Variants in CCDC125 observed in about 807,000 individuals in gnomAD.
CCDC125 encodes coiled-coil domain containing 125, also known as coiled-coil domain-containing protein 125.
A neutral mutation model predicts 57.4 loss-of-function variants in CCDC125; 43 were observed. That is an observed-to-expected ratio of 0.75 (90% CI 0.59 to 0.97). The LOEUF is 0.97. Ranked by LOEUF, CCDC125 falls within the 50% of genes least tolerant of loss-of-function variation. The pLI is 0.00. For missense variants in CCDC125, 563 were observed against 595.7 expected (o/e 0.95, Z 0.57); for synonymous variants, 187 against 195.2 (o/e 0.96, Z 0.35).
At chr5:69,287,454 G>A (rs994204634) in intron 10 of CCDC125, among the ~76,000 whole-genome samples, 4 of 151,498 alleles carry the variant, frequency 2.6e-5, no homozygotes, top group Admixed American at 2.0e-4. Context: ...GTAGAGACAG[G>A]GTTTCTCCAT....
chr5:69,329,241 T>C (rs1352771160), intron 1 of CCDC125, among the ~76,000 whole-genome samples: 9 of 151,816 alleles, frequency 5.9e-5, no homozygotes, highest in African/African-American at 2.2e-4. Flanking sequence ...GACAGCTCAC[T>C]GCAGCCTCGA....
chr5:69,317,018 T>A (rs1759216716), intron 2 of CCDC125, among the ~76,000 whole-genome samples: 1 of 152,158 alleles, frequency 6.6e-6, no homozygotes. Context: ...GCTGTTTGTT[T>A]GTTTGTTTGA....
At chr5:69,297,137 C>T (rs763201044) in intron 8 of CCDC125, among the ~76,000 whole-genome samples, 1 of 152,122 alleles carries the variant, frequency 6.6e-6, no homozygotes, top group Non-Finnish European at 1.5e-5. Flanking sequence ...ACAATCTCGG[C>T]TCCCTGCAAC....
chr5:69,321,001 A>G (rs1759936593), intron 1 of CCDC125, among the ~76,000 whole-genome samples: 1 of 152,166 alleles, frequency 6.6e-6, no homozygotes, highest in Non-Finnish European at 1.5e-5. Flanking sequence ...AGAAAGAAAA[A>G]TGGTGGTTAC....
downstream of CCDC125, among the ~76,000 whole-genome samples, chr5:69,279,344 C>A (rs1752357006): frequency 1.4e-5 from 1 of 71,706 alleles, no homozygotes; most frequent in Non-Finnish European, 2.4e-5. Flanking sequence ...CTACAGGTGC[C>A]CGCCACCACG....
At chr5:69,304,219 C>A (rs111911656) in intron 6 of CCDC125, among the ~76,000 whole-genome samples, 3,710 of 151,852 alleles carry the variant, frequency 0.024, 74 homozygotes, top group Non-Finnish European at 0.04. Context: ...ATTCTCCTGC[C>A]TCAGCCTTCC....
At chr5:69,329,908 T>C (rs1761209981) in intron 1 of CCDC125, among the ~76,000 whole-genome samples, 1 of 152,220 alleles carries the variant, frequency 6.6e-6, no homozygotes, top group Non-Finnish European at 1.5e-5. Context: ...TGGCTCTTTG[T>C]CCAGTCCTCT....
At chr5:69,273,157 T>G in the CCDC125 span, 1 of 751,926 alleles carries the variant, frequency 1.3e-6, no homozygotes, top group Non-Finnish European at 2.0e-6. Flanking sequence ...AGATGTGTTT[T>G]TGTTTTAAGA....
At chr5:69,316,961 CATACTA>C (rs1412511594) in intron 2 of CCDC125, among the ~76,000 whole-genome samples, 1 of 152,130 alleles carries the variant, frequency 6.6e-6, no homozygotes, top group African/African-American at 2.4e-5. Flanking sequence ...AATGGGAACT[CATACTA>C]TTACTATTTA....
intron 2 of CCDC125, among the ~76,000 whole-genome samples, chr5:69,314,322 G>T (rs1052187196): frequency 3.9e-5 from 6 of 151,988 alleles, no homozygotes; most frequent in African/African-American, 1.2e-4. Flanking sequence ...AAAATTAGCT[G>T]GGCGTGGTGG....
chr5:69,324,406 C>T (rs146427171), intron 1 of CCDC125, among the ~76,000 whole-genome samples: 5 of 152,272 alleles, frequency 3.3e-5, no homozygotes, highest in Middle Eastern at 3.4e-3. Flanking sequence ...CATGGTACAA[C>T]CACTGTGGAA....
At chr5:69,288,687 A>G (rs973734324) in intron 10 of CCDC125, among the ~76,000 whole-genome samples, 1 of 152,218 alleles carries the variant, frequency 6.6e-6, no homozygotes, top group Non-Finnish European at 1.5e-5. Flanking sequence ...GGGAGTCCCA[A>G]TGTACATACA....
intron 10 of CCDC125, among the ~76,000 whole-genome samples, chr5:69,290,609 CTTTTTTTTTTCTTTTTTTTCT>C (rs1754261646): frequency 8.3e-6 from 1 of 120,630 alleles, no homozygotes; most frequent in African/African-American, 3.1e-5. Context: ...GGCCAGGTTT[CTTTTTTTTTTCTTTTTTTTCT>C]TTTTTTTTTT....
At chr5:69,311,562 G>A (rs1020803639) in intron 3 of CCDC125, among the ~76,000 whole-genome samples, 1 of 152,150 alleles carries the variant, frequency 6.6e-6, no homozygotes, top group Non-Finnish European at 1.5e-5. Flanking sequence ...TGAGACAGGA[G>A]AATCGCTTGA....
Position 69,332,696 on chromosome 5 carries a change from C to G in CCDC125, c.-88G>C, listed in dbSNP as rs896812223. Reference sequence around the variant, plus strand: ...CCCTCTCAAGGTCCGTGGCGGGGACCGGAGCCCGGACTCCAGCTCAGCGAA... The same window carrying G: ...CCCTCTCAAGGTCCGTGGCGGGGACGGGAGCCCGGACTCCAGCTCAGCGAA... On this transcript the variant is annotated 5_prime_UTR_variant, in exon 1 of 12. Transcript: ENST00000396496. 3 of 152,330 alleles carry G rather than the reference C, an allele frequency of 2.0e-5. No homozygotes were observed. The highest frequency in any genetic ancestry group is 4.8e-5 in the African/African-American group (2 of 41,454). 9.4% of individuals were successfully genotyped at this position (152,330 alleles called of 1,614,324 possible).
chr5:69,315,930 TAAAAAAA>T (rs34485198), intron 2 of CCDC125, among the ~76,000 whole-genome samples: 1 of 118,084 alleles, frequency 8.5e-6, no homozygotes, highest in African/African-American at 3.1e-5. Flanking sequence ...TCAACGGCAG[TAAAAAAA>T]AAAAAAAAAA....
In CCDC125 at chr5:69,286,994, TAAA is replaced by T. The variant is rs33957725; in HGVS notation, c.1100-1530_1100-1528del. ...ATTGCTTAAGCCCAGGAGTTTAAGATAAAAAAAAAAAAAAAAAAACCCAAAAGC... is the reference window on the plus strand; with the variant it reads ...ATTGCTTAAGCCCAGGAGTTTAAGATAAAAAAAAAAAAAAAACCCAAAAGC... On this transcript the variant is annotated intron_variant, in intron 10 of 11. Transcript: ENST00000396496. 3.8e-3 allele frequency among the ~76,000 whole-genome samples: 424 copies of T among 112,758 alleles called. 1 individual carries two copies. Among genetic ancestry groups the T allele is most frequent in the African/African-American group, 6.8e-3 (191 of 28,026 alleles). The allele number at this position is 112,758 out of a possible 152,430, so 74.0% of individuals were successfully genotyped here. A position where few individuals can be genotyped will look rare whatever the true frequency, so the allele number is the denominator to read the frequency against.
intron 10 of CCDC125, among the ~76,000 whole-genome samples, chr5:69,286,190 ATATATATAT>A (rs1429364459): frequency 4.9e-5 from 1 of 20,220 alleles, no homozygotes; most frequent in Non-Finnish European, 8.4e-5. Context: ...ATGGTAAACT[ATATATATAT>A]ATATATATAT....
chr5:69,324,496 T>C (rs1034205258), intron 1 of CCDC125, among the ~76,000 whole-genome samples: 9 of 152,218 alleles, frequency 5.9e-5, no homozygotes, highest in Admixed American at 5.2e-4. Context: ...CAGAACCCCA[T>C]GTCCGTACAA....
Sources: allele counts gnomAD v4.1 joint callset (sites outside exome capture counted in the v4.1 genomes callset), GRCh38; gene constraint gnomAD v4.1.1; transcripts MANE v1.5; gene names NCBI Gene and HGNC (gene_info 2026-07-23, HGNC 2026-07-21).